The following SPTA1 variants were observed in gnomAD, a reference collection of about 807,000 sequenced individuals.
SPTA1 encodes spectrin alpha, erythrocytic 1, also known as spectrin alpha chain, erythrocytic 1.
Under a neutral mutation model 324.7 loss-of-function variants are expected in SPTA1, and 177 were observed. The observed-to-expected ratio is 0.55, with a 90% CI of 0.48 to 0.62. The LOEUF is 0.62. Among genes scored for constraint, SPTA1 ranks in the 20% least tolerant of loss-of-function variants. SPTA1 has a pLI of 0.00. For synonymous variants in SPTA1, 1,195 were observed against 1,041.3 expected (o/e 1.15, Z -2.84); for missense variants, 3,162 against 2,883.6 (o/e 1.10, Z -2.21).
intron 17 of SPTA1, 71 bp from the exon 18 acceptor site, chr1:158,661,480 G>T: frequency 6.2e-7 from 1 of 1,602,634 alleles, no homozygotes. Context: ...CACTTTTTTA[G>T]AACTCTTGGA....
In SPTA1 at chr1:158,611,359, C is replaced by T; in HGVS notation, c.7165G>A (p.Ala2389Thr). 2 of 1,613,624 alleles carry T rather than the reference C, an allele frequency of 1.2e-6. No homozygotes were observed. The highest frequency in any genetic ancestry group is 1.7e-6 in the Non-Finnish European group (2 of 1,179,708). The change falls in exon 52 of 52, where the codon GCC becomes ACC. Residue 2389 changes from alanine (A) to threonine (T), a missense_variant. Transcript: ENST00000643759. ...TCCATATATTGCTGCATATGTGTGG[C>T]ACAGAATGACACTTGCTCTGGGGTA... ...ALTPEQVSFCATHMQQYMDPR... is the reference protein window; with the variant it reads ...ALTPEQVSFCTTHMQQYMDPR...
chr1:158,645,236 C>T lies in SPTA1; in HGVS notation c.4146G>A (p.Lys1382=). ...GGATCTTCTTGCGTTTTTCCCAAGC[C>T]TTCTCCAAATCATCTCTCTCTAGCT... ...AVKLERDDLE[K]AWEKRKKILD... is the part of the protein sequence containing the mutation. Residue 1382 remains lysine (K), a synonymous_variant, in exon 29 of 52, where the codon AAG becomes AAA. Transcript: ENST00000643759. The T allele has an allele frequency of 1.9e-6, 3 of 1,613,984 alleles. No individual in the cohort carries two copies. Among genetic ancestry groups the T allele is most frequent in the South Asian group, 1.1e-5 (1 of 91,074 alleles).
In SPTA1 at chr1:158,611,131, GCACACACACA is replaced by G. The variant is rs55832242; in HGVS notation, c.*123_*132del. The stretch of plus-strand genomic sequence containing the variant: ...AAATGTAATATGCACACAAACACAA[GCACACACACA>G]CACACACACACACACACACACACAC... On this transcript the variant is annotated 3_prime_UTR_variant, in exon 52 of 52. Coordinates refer to ENST00000643759, the MANE Select transcript of SPTA1 (RefSeq NM_003126.4). 4.6e-5 allele frequency: 31 copies of G among 671,418 alleles called. No homozygotes were observed. The highest frequency in any genetic ancestry group is 3.8e-4 in the Middle Eastern group (1 of 2,598). 41.6% of individuals were successfully genotyped at this position (671,418 alleles called of 1,614,324 possible).
Position 158,613,122 on chromosome 1 carries a change from G to C in SPTA1, c.6990-161C>G, listed in dbSNP as rs1306683068. Among the ~76,000 whole-genome samples the C allele has an allele frequency of 5.9e-5, 9 of 152,038 alleles. No individual in the cohort carries two copies. In the East Asian group the frequency reaches 1.7e-3, roughly 30 times the overall value. Reference sequence around the variant, plus strand: ...TGAGATGGGTTATGCTCTCCATTTTGGCTCCCCTTCATCACCCTCTTACAG... The same window carrying C: ...TGAGATGGGTTATGCTCTCCATTTTCGCTCCCCTTCATCACCCTCTTACAG... On this transcript the variant is annotated intron_variant, in intron 50 of 51. Transcript: ENST00000643759.
At position 158,685,301 on chromosome 1, in the gene SPTA1, A is replaced by G. The variant is rs1467409837; in HGVS notation, c.71T>C (p.Ile24Thr). 6.2e-7 allele frequency: 1 copy of G among 1,613,786 alleles called. No homozygotes were observed. Among genetic ancestry groups the G allele is most frequent in the South Asian group, 1.1e-5 (1 of 91,072 alleles). Residue 24 changes from isoleucine (I) to threonine (T), a missense_variant, in exon 2 of 52, where the codon ATC (isoleucine) becomes ACC (threonine). Ile to Thr is a moderately conservative substitution (Grantham distance 89, BLOSUM62 -1). Coordinates refer to ENST00000643759, the MANE Select transcript of SPTA1 (RefSeq NM_003126.4). ...GPKVLETAEE[I>T]QERRQEVLTR... ...CAACACTTCCTGACGCCTCTCCTGG[A>G]TCTCTTCTGCTGTTTCCAAAACCTT...
In SPTA1 at chr1:158,639,851, T is replaced by C. The variant is rs1315784896; in HGVS notation, c.4875+19A>G. 1 of 1,613,982 alleles carries C rather than the reference T, an allele frequency of 6.2e-7. No individual in the cohort carries two copies. Among genetic ancestry groups the C allele is most frequent in the South Asian group, 1.1e-5 (1 of 91,080 alleles). ...ATGTATTAAACTCTTGTGTCTCTAC[T>C]GTTTCCGGGTGCAATTACCTCTGAG... On this transcript the variant is annotated intron_variant, in intron 34 of 51. Coordinates refer to ENST00000643759, the MANE Select transcript of SPTA1 (RefSeq NM_003126.4).
At chr1:158,680,504 A>G (rs1654725525) in intron 5 of SPTA1, 79 bp downstream of exon 5, 1 of 1,592,296 alleles carries the variant, frequency 6.3e-7, no homozygotes, top group Admixed American at 1.7e-5. Flanking sequence ...TCTCCTTCAT[A>G]TCCATCTACT....
At chr1:158,644,594 T>C (rs1426931648) in intron 29 of SPTA1, among the ~76,000 whole-genome samples, 198 bp from the exon 30 acceptor site, 2 of 152,236 alleles carry the variant, frequency 1.3e-5, no homozygotes, top group Non-Finnish European at 2.9e-5. Context: ...TTTCTGTATA[T>C]GCTACCTCCA....
At chr1:158,611,557 G>A (rs1311673152) in intron 51 of SPTA1, 168 bp from the exon 52 acceptor site, 8 of 663,754 alleles carry the variant, frequency 1.2e-5, no homozygotes, top group African/African-American at 3.7e-5. Context: ...AATTTCTAAT[G>A]AGTAACTTAA....
At chr1:158,623,419 T>A (rs1482487894) in intron 42 of SPTA1, among the ~76,000 whole-genome samples, 2 of 152,238 alleles carry the variant, frequency 1.3e-5, no homozygotes, top group African/African-American at 2.4e-5. Flanking sequence ...TTAATTGATA[T>A]GGTTTGGTTT....
At chr1:158,618,387 A>T (rs1305537710) in intron 45 of SPTA1, among the ~76,000 whole-genome samples, 3 of 152,170 alleles carry the variant, frequency 2.0e-5, no homozygotes. Context: ...CTTCTGTCAG[A>T]TGGTTTAGAC....
At position 158,668,039 on chromosome 1, in the gene SPTA1, C is replaced by T; in HGVS notation, c.1857G>A (p.Arg619=). Residue 619 remains arginine (R), a synonymous_variant, in exon 15 of 52, where the codon AGG becomes AGA. Transcript: ENST00000643759. ...DYKDIQNLKS[R]VQKQQVFEKE... ...TTTCAAAGACTTGCTGCTTTTGAAC[C>T]CTGCTCTTCAAGTTCTGTATGTCCT... The T allele has an allele frequency of 1.9e-6, 3 of 1,611,776 alleles. No homozygotes were observed. Among genetic ancestry groups the T allele is most frequent in the Non-Finnish European group, 2.5e-6 (3 of 1,179,738 alleles).
Position 158,666,385 on chromosome 1 carries a change from T to A in SPTA1, c.2151A>T (p.Lys717Asn), listed in dbSNP as rs1219691519. The change falls in exon 16 of 52, where the codon AAA becomes AAT. Residue 717 changes from lysine (K) to asparagine (N), a missense_variant. By Grantham distance (94) the Lys-to-Asn change is moderately conservative (BLOSUM62 0). Transcript: ENST00000643759. Reference sequence around the variant, plus strand: ...GTCGATTCTGTACCTCGGCCAGGCCTTTCCCATAATCCTCAGAGGTGACTT... The same window carrying A: ...GTCGATTCTGTACCTCGGCCAGGCCATTCCCATAATCCTCAGAGGTGACTT... ...EWQVTSEDYG[K>N]GLAEVQNRLR... 1.2e-6 allele frequency: 2 copies of A among 1,613,816 alleles called. No individual in the cohort carries two copies. The highest frequency in any genetic ancestry group is 1.7e-6 in the Non-Finnish European group (2 of 1,179,990).
At chr1:158,644,945 A>G (rs1332381162) in intron 29 of SPTA1, among the ~76,000 whole-genome samples, 2 of 152,238 alleles carry the variant, frequency 1.3e-5, no homozygotes, top group African/African-American at 4.8e-5. Context: ...AACAAATGAT[A>G]GTCAACCCAC....
In SPTA1 at chr1:158,620,293, G is replaced by A; in HGVS notation, c.6294C>T (p.Asp2098=). The A allele has an allele frequency of 4.3e-6, 7 of 1,614,094 alleles. No homozygotes were observed. Among genetic ancestry groups the A allele is most frequent in the Non-Finnish European group, 5.9e-6 (7 of 1,180,024 alleles). The stretch of plus-strand genomic sequence containing the variant: ...GGTCTAGCTCCAGCAAACATTTAAA[G>A]TCTGCTTGAGCCCTAGCCAGGGAGG... ...FLASLARAQA[D]FKCLLELDQQ... The change falls in exon 44 of 52, where the codon GAC becomes GAT. Residue 2098 remains aspartate (D), a synonymous_variant. Transcript: ENST00000643759.
rs369955517 is a variant in SPTA1, at chr1:158,611,265, T to C, written c.7259A>G (p.Ter2420=). The change falls in exon 52 of 52, where the codon TAA becomes TGA. Residue 2420 remains the stop codon, a stop_retained_variant. Transcript: ENST00000643759. ...CTACGATCCACGAGGAGCTGCTTATTAGTTGCCAAAGTAGGAATTGGTGAA... is the reference window on the plus strand; with the variant it reads ...CTACGATCCACGAGGAGCTGCTTATCAGTTGCCAAAGTAGGAATTGGTGAA... ...VGFTNSYFGN[*] is the part of the protein sequence containing the mutation. 37 of 1,613,496 alleles carry C rather than the reference T, an allele frequency of 2.3e-5. 1 individual carries two copies. In the African/African-American group the frequency reaches 4.1e-4, roughly 18 times the overall value.
At chr1:158,681,770 G>A in intron 3 of SPTA1, 103 bp from the exon 4 acceptor site, 1 of 1,449,786 alleles carries the variant, frequency 6.9e-7, no homozygotes, top group Non-Finnish European at 9.6e-7. Flanking sequence ...TCTTCTCTCA[G>A]TTACTCATGC....
chr1:158,684,757 C>A (rs1655047379), intron 2 of SPTA1, among the ~76,000 whole-genome samples: 1 of 152,156 alleles, frequency 6.6e-6, no homozygotes, highest in South Asian at 2.1e-4. Flanking sequence ...GTAAAGTATC[C>A]TATGCCCTTA....
In SPTA1 at chr1:158,662,892, A is replaced by G. The variant is rs1378597707; in HGVS notation, c.2274T>C (p.His758=). Residue 758 remains histidine (H), a synonymous_variant, in exon 17 of 52, where the codon CAT becomes CAC. Transcript: ENST00000643759. ...DLAAYFEEIG[H]PDSKDIRARQ... is the part of the protein sequence containing the mutation. ...TTGCCCTTATATCCTTAGAATCAGG[A>G]TGGCCTATTTCTTCAAAATATGCAG... The G allele has an allele frequency of 1.2e-6, 2 of 1,614,000 alleles. No individual in the cohort carries two copies. The highest frequency in any genetic ancestry group is 1.7e-5 in the Admixed American group (1 of 60,008).
Sources: allele counts gnomAD v4.1 joint callset (sites outside exome capture counted in the v4.1 genomes callset), GRCh38; gene constraint gnomAD v4.1.1; transcripts MANE v1.5; gene names NCBI Gene and HGNC (gene_info 2026-07-23, HGNC 2026-07-21).